The following FGGY variants were observed in gnomAD, a reference collection of about 807,000 sequenced individuals.
FGGY encodes FGGY carbohydrate kinase domain-containing protein.
Under a neutral mutation model 71.3 loss-of-function variants are expected in FGGY, and 72 were observed. The ratio of observed to expected loss-of-function variants is 1.01; its 90% CI spans 0.84 to 1.23. The LOEUF (loss-of-function observed/expected upper bound fraction) is 1.23, where lower values mean the gene tolerates loss of function less well. Ranked by LOEUF, FGGY falls within the 50% of genes most tolerant of loss-of-function variation. The pLI is 0.00. For synonymous variants in FGGY, 251 were observed against 250.3 expected (o/e 1.00, Z -0.02); for missense variants, 668 against 682.3 (o/e 0.98, Z 0.23).
intron 8 of FGGY, among the ~76,000 whole-genome samples, chr1:59,558,411 G>C (rs1321142106): frequency 6.6e-6 from 1 of 152,094 alleles, no homozygotes; most frequent in African/African-American, 2.4e-5. Flanking sequence ...TTACAGCTGG[G>C]CTGCTGGGGG....
intron 6 of FGGY, among the ~76,000 whole-genome samples, chr1:59,497,022 A>G (rs1028354354): frequency 6.6e-6 from 1 of 152,250 alleles, no homozygotes. Context: ...CCTAACTACC[A>G]CAACTCTGGG....
chr1:59,394,138 A>G (rs559175509), intron 5 of FGGY, among the ~76,000 whole-genome samples: 8 of 152,364 alleles, frequency 5.3e-5, no homozygotes, highest in East Asian at 3.9e-4. Flanking sequence ...GTGAGTGCCA[A>G]TAATGGGCCT....
intron 14 of FGGY, among the ~76,000 whole-genome samples, chr1:59,728,738 A>T (rs1375141152): frequency 1.3e-5 from 2 of 152,084 alleles, no homozygotes; most frequent in Non-Finnish European, 2.9e-5. Context: ...TTTTCTGAGA[A>T]GTCCATTGTA....
At chr1:59,383,922 C>T (rs1180568897) in intron 5 of FGGY, among the ~76,000 whole-genome samples, 1 of 152,090 alleles carries the variant, frequency 6.6e-6, no homozygotes, top group Non-Finnish European at 1.5e-5. Flanking sequence ...GAGCACTTGC[C>T]ATCAGGACCT....
rs540598464 is a variant in FGGY, at chr1:59,309,584, G to A, written c.-14-11952G>A. ...GCTGTTTAAGCTTGTACTTTGGTTC[G>A]TGGTACTTTTGACAGAGCCATGTTT... On this transcript the variant is annotated intron_variant, in intron 1 of 15. Transcript: ENST00000303721. Among the ~76,000 whole-genome samples the A allele has an allele frequency of 2.8e-4, 43 of 152,170 alleles. 1 individual carries two copies. The highest frequency in any genetic ancestry group is 1.0e-3 in the Admixed American group (16 of 15,276).
intron 11 of FGGY, among the ~76,000 whole-genome samples, chr1:59,655,066 G>GAA (rs2097205797): frequency 1.3e-5 from 2 of 151,696 alleles, no homozygotes; most frequent in Non-Finnish European, 2.9e-5. Context: ...AGCAACTTCT[G>GAA]CCCTGGCTTC....
At chr1:59,588,533 CA>C (rs1006322304) in intron 8 of FGGY, among the ~76,000 whole-genome samples, 60 of 152,208 alleles carry the variant, frequency 3.9e-4, no homozygotes, top group Admixed American at 3.5e-3. Flanking sequence ...TAAGGGCAGC[CA>C]GAGAGAAAGG....
At chr1:59,502,291 G>A (rs1011423998) in intron 6 of FGGY, among the ~76,000 whole-genome samples, 1 of 152,170 alleles carries the variant, frequency 6.6e-6, no homozygotes, top group Non-Finnish European at 1.5e-5. Flanking sequence ...TTAGAAGAGG[G>A]AAGCACAAGG....
intron 10 of FGGY, among the ~76,000 whole-genome samples, chr1:59,631,309 A>G (rs372999776): frequency 9.2e-5 from 14 of 152,154 alleles, no homozygotes; most frequent in Admixed American, 1.3e-4. Context: ...GATCTCAGCT[A>G]TGCTCTTGAC....
At chr1:59,308,828 G>A (rs1052385014) in intron 1 of FGGY, among the ~76,000 whole-genome samples, 3 of 152,104 alleles carry the variant, frequency 2.0e-5, no homozygotes, top group Non-Finnish European at 2.9e-5. Context: ...TAATACAAAT[G>A]GCATCATACT....
At chr1:59,733,276 C>T (rs1455533799) in intron 14 of FGGY, 1 of 153,928 alleles carries the variant, frequency 6.5e-6, no homozygotes, top group Non-Finnish European at 1.5e-5. Flanking sequence ...GGGCTCATGT[C>T]TTCTGGCCTG....
At chr1:59,736,788 G>T (rs2098109073) in intron 14 of FGGY, among the ~76,000 whole-genome samples, 1 of 152,246 alleles carries the variant, frequency 6.6e-6, no homozygotes, top group Non-Finnish European at 1.5e-5. Context: ...CGTTTTCTGA[G>T]GAGGAAGTCA....
intron 5 of FGGY, among the ~76,000 whole-genome samples, chr1:59,429,456 C>T (rs74928172): frequency 0.012 from 1,756 of 152,088 alleles, 33 homozygotes; most frequent in African/African-American, 0.04. Flanking sequence ...TTTGTGAAAA[C>T]GATTCTGGGG....
chr1:59,648,932 T>C lies in FGGY; in HGVS notation c.1221+10557T>C, dbSNP rs1288101640. 3.4e-3 allele frequency among the ~76,000 whole-genome samples: 512 copies of C among 151,866 alleles called. 3 individuals carry two copies. The highest frequency in any genetic ancestry group is 0.012 in the African/African-American group (488 of 41,314). ...ATCTTGAATTGATTTTTGTATAAGG[T>C]GTAAGGAAGGGATCCAGTTTCAGCT... On this transcript the variant is annotated intron_variant, in intron 11 of 15. Transcript: ENST00000303721.
chr1:59,613,682 C>A (rs905402822), intron 9 of FGGY, among the ~76,000 whole-genome samples: 20 of 152,156 alleles, frequency 1.3e-4, no homozygotes, highest in African/African-American at 3.9e-4. Context: ...ACACAAAAAA[C>A]CCTTCAAAAA....
chr1:59,522,936 C>A (rs1166913390), intron 7 of FGGY, among the ~76,000 whole-genome samples: 1 of 152,196 alleles, frequency 6.6e-6, no homozygotes, highest in Non-Finnish European at 1.5e-5. Flanking sequence ...TAAACAAGCT[C>A]TGATCATCTC....
At chr1:59,666,019 T>C (rs1332266897) in intron 12 of FGGY, among the ~76,000 whole-genome samples, 1 of 152,196 alleles carries the variant, frequency 6.6e-6, no homozygotes, top group Non-Finnish European at 1.5e-5. Context: ...CTTCTTGCCC[T>C]CAGCTAAAAC....
At chr1:59,307,193 A>G (rs1421765533) in intron 1 of FGGY, among the ~76,000 whole-genome samples, 1 of 151,880 alleles carries the variant, frequency 6.6e-6, no homozygotes, top group East Asian at 1.9e-4. Flanking sequence ...GCATGCCTGT[A>G]GTCCCAGCTA....
At chr1:59,607,769 A>C (rs1251548264) in intron 8 of FGGY, 34 bp from the exon 9 acceptor site, 5 of 1,545,174 alleles carry the variant, frequency 3.2e-6, no homozygotes, top group Non-Finnish European at 3.6e-6. Context: ...CCTGAGAGTC[A>C]ATGTTTTCAC....
Sources: gnomAD v4.1 joint callset for allele counts (sites outside exome capture counted in the v4.1 genomes callset) on GRCh38, gnomAD v4.1.1 for gene constraint, MANE v1.5 for transcripts, NCBI Gene and HGNC (gene_info 2026-07-23, HGNC 2026-07-21) for gene names.